The following TMEM67 variants were observed in gnomAD, a reference collection of about 807,000 sequenced individuals.
The protein encoded by TMEM67 is transmembrane protein 67.
A neutral mutation model predicts 136.6 loss-of-function variants in TMEM67; 124 were observed. That is an observed-to-expected ratio of 0.91 (90% CI 0.78 to 1.05). TMEM67 has a LOEUF of 1.05. TMEM67 is among the 50% of genes least tolerant of loss of function. The pLI, the probability that TMEM67 is intolerant of heterozygous loss-of-function variation, is 0.00. For synonymous variants in TMEM67, 364 were observed against 390.5 expected (o/e 0.93, Z 0.80); for missense variants, 1,107 against 1,178.4 (o/e 0.94, Z 0.89).
At chr8:93,825,821 A>T in the TMEM67 span, among the ~76,000 whole-genome samples, 1 of 152,212 alleles carries the variant, frequency 6.6e-6, no homozygotes, top group Non-Finnish European at 1.5e-5. Context: ...GAGAGAGGTT[A>T]TCTCTCTTGG....
chr8:93,766,116 CT>C (rs994536859), intron 6 of TMEM67, among the ~76,000 whole-genome samples: 11 of 148,380 alleles, frequency 7.4e-5, no homozygotes, highest in Admixed American at 2.7e-4. Context: ...CAGATTTTTC[CT>C]TTTTTTTTTA....
chr8:93,774,293 G>T (rs530542233), intron 7 of TMEM67, among the ~76,000 whole-genome samples: 1 of 152,284 alleles, frequency 6.6e-6, no homozygotes, highest in East Asian at 1.9e-4. Flanking sequence ...GGGATTACAG[G>T]CGTGAGCCAC....
chr8:93,794,122 C>T (rs1814505197), intron 16 of TMEM67, among the ~76,000 whole-genome samples: 1 of 152,040 alleles, frequency 6.6e-6, no homozygotes, highest in African/African-American at 2.4e-5. Flanking sequence ...GAACTCCTGG[C>T]CTCATGATCC....
chr8:93,829,724 T>A, the TMEM67 span, among the ~76,000 whole-genome samples: 1 of 152,144 alleles, frequency 6.6e-6, no homozygotes, highest in African/African-American at 2.4e-5. Flanking sequence ...CTCTCTCTTT[T>A]TCTCTCCCCT....
rs1196866951 is a variant in TMEM67 at position 93,780,819 on chromosome 8, CTAA to C, written c.870-48_870-46del. 10 of 1,581,762 alleles carry C rather than the reference CTAA, an allele frequency of 6.3e-6. No individual in the cohort carries two copies. The East Asian group carries it at 1.3e-4, about 21-fold the overall frequency. On this transcript the variant is annotated intron_variant, in intron 8 of 27. Transcript: ENST00000453321. ...GCAGTTATTAATATATTCACAAATA[CTAA>C]TAATAAGAAATATTTATTCTCCATT...
At chr8:93,828,786 C>T in the TMEM67 span, among the ~76,000 whole-genome samples, 12 of 151,564 alleles carry the variant, frequency 7.9e-5, no homozygotes, top group Non-Finnish European at 1.5e-4. Flanking sequence ...CTTGAATAGC[C>T]CTTTTAAGAG....
At chr8:93,767,095 C>T (rs1362143461) in intron 6 of TMEM67, among the ~76,000 whole-genome samples, 1 of 152,196 alleles carries the variant, frequency 6.6e-6, no homozygotes, top group Non-Finnish European at 1.5e-5. Context: ...GTCCCTTTAG[C>T]TTCCTCCGAT....
chr8:93,804,864 C>G lies in TMEM67; in HGVS notation c.2425C>G (p.Leu809Val). The G allele has an allele frequency of 6.4e-7, 1 of 1,570,740 alleles. No homozygotes were observed. The highest frequency in any genetic ancestry group is 1.1e-5 in the South Asian group (1 of 90,134). ...DTNMEEMNMN[L>V]KREAENLCSQ... The stretch of plus-strand genomic sequence containing the variant: ...TAATATGGAAGAAATGAATATGAAC[C>G]TTAAAAGAGAAGCGGTATGAAAATG... Residue 809 changes from leucine to valine, a missense_variant, in exon 23 of 28, where the codon CTT becomes GTT. By Grantham distance (32) the Leu-to-Val change is conservative (BLOSUM62 1). Coordinates refer to ENST00000453321, the MANE Select transcript of TMEM67 (RefSeq NM_153704.6).
chr8:93,787,756 A>G, intron 13 of TMEM67, 88 bp from the exon 14 acceptor site: 2 of 1,028,788 alleles, frequency 1.9e-6, no homozygotes, highest in South Asian at 2.6e-5. Context: ...CAGACAATTC[A>G]TATTAAATTC....
chr8:93,780,473 C>A, intron 7 of TMEM67, 120 bp from the exon 8 acceptor site: 1 of 1,008,984 alleles, frequency 9.9e-7, no homozygotes, highest in Non-Finnish European at 1.6e-6. Context: ...GAGCTGCAGA[C>A]CGGAGCTGTT....
rs1813375871 is a variant in TMEM67, at chr8:93,772,637, G to T, written c.700G>T (p.Ala234Ser). ...GTTTGCAAAGTATTTGCAATCATCA[G>T]CAGCTGCATGTTGGGTAAGTTTGAA... is the stretch of plus-strand genomic sequence containing the variant. ...EWFAKYLQSS[A>S]AACWVYANLT... The change falls in exon 7 of 28, where the codon GCA (alanine) becomes TCA (serine). Residue 234 changes from alanine (A) to serine (S), a missense_variant. Physicochemically the swap from Ala to Ser is moderately conservative, Grantham distance 99. This residue lies in a region of TMEM67 where 925 missense variants were observed against 1,002.4 expected (regional missense o/e 0.92). Transcript: ENST00000453321. The T allele has an allele frequency of 6.2e-7, 1 of 1,611,822 alleles. No individual in the cohort carries two copies. The highest frequency in any genetic ancestry group is 8.5e-7 in the Non-Finnish European group (1 of 1,178,710).
rs947894758 is a variant in TMEM67 at position 93,793,735 on chromosome 8, A to AT, written c.1674+448dup. On this transcript the variant is annotated intron_variant, in intron 16 of 27. Transcript: ENST00000453321. ...CCAGTTTTTATTGTTTATTTGAAGAATTTTTTTTTGTATTTTCTAAATAGT... is the reference window on the plus strand; with the variant it reads ...CCAGTTTTTATTGTTTATTTGAAGAATTTTTTTTTTGTATTTTCTAAATAGT... Among the ~76,000 whole-genome samples the AT allele has an allele frequency of 7.9e-5, 12 of 151,338 alleles. 1 individual carries two copies. Among genetic ancestry groups the AT allele is most frequent in the East Asian group, 1.9e-4 (1 of 5,168 alleles).
chr8:93,795,365 A>G, intron 16 of TMEM67, 44 bp from the exon 17 acceptor site: 1 of 1,488,884 alleles, frequency 6.7e-7, no homozygotes, highest in Non-Finnish European at 9.4e-7. Context: ...AGTGGTATAT[A>G]CATGGAGTCT....
At chr8:93,786,420 A>G in intron 13 of TMEM67, 74 bp downstream of exon 13, 4 of 1,531,492 alleles carry the variant, frequency 2.6e-6, no homozygotes, top group South Asian at 1.1e-5. Context: ...TTAGTAGATG[A>G]AAACAATAAG....
At chr8:93,823,530 G>T (rs1231640480), downstream of TMEM67, among the ~76,000 whole-genome samples, 5 of 152,058 alleles carry the variant, frequency 3.3e-5, no homozygotes. Flanking sequence ...TGGGTAGTCT[G>T]CAAAGGCCTG....
In TMEM67 at chr8:93,754,924, C is replaced by G. The variant is rs1309255010; in HGVS notation, c.10C>G (p.Arg4Gly). Residue 4 changes from arginine (R) to glycine (G), a missense_variant, in exon 1 of 28, where the codon CGC becomes GGC. Transcript: ENST00000453321. MATRGGAGVAMAVW... is the reference protein window; with the variant it reads MATGGGAGVAMAVW... ...TTCCAGCGTCGGTACCATGGCGACGCGCGGTGGGGCTGGGGTGGCAATGGC... is the reference window on the plus strand; with the variant it reads ...TTCCAGCGTCGGTACCATGGCGACGGGCGGTGGGGCTGGGGTGGCAATGGC... 3.7e-6 allele frequency: 6 copies of G among 1,613,642 alleles called. No individual in the cohort carries two copies. Among genetic ancestry groups the G allele is most frequent in the African/African-American group, 1.3e-5 (1 of 74,898 alleles).
intron 26 of TMEM67, among the ~76,000 whole-genome samples, chr8:93,811,698 A>G (rs966294154): frequency 6.6e-6 from 1 of 152,064 alleles, no homozygotes. Context: ...AAATATTTCT[A>G]TTATATCTAT....
At chr8:93,795,204 C>A in intron 16 of TMEM67, 1 of 605,696 alleles carries the variant, frequency 1.7e-6, no homozygotes, top group Non-Finnish European at 2.9e-6. Flanking sequence ...GAAGAGGCTA[C>A]CAGGAACGGC....
At chr8:93,772,736 T>A in intron 7 of TMEM67, 85 bp downstream of exon 7, 3 of 975,554 alleles carry the variant, frequency 3.1e-6, no homozygotes, top group Non-Finnish European at 4.7e-6. Flanking sequence ...GTTTTATTTC[T>A]AAGTAGCTAT....
Sources: gnomAD v4.1 joint callset for allele counts (sites outside exome capture counted in the v4.1 genomes callset) on GRCh38, gnomAD v4.1.1 for gene constraint, gnomAD v4.1.1 regional missense constraint, MANE v1.5 for transcripts, NCBI Gene and HGNC (gene_info 2026-07-23, HGNC 2026-07-21) for gene names.